Variants in SNW1 observed in about 807,000 individuals in gnomAD.
The protein encoded by SNW1 is SNW domain-containing protein 1.
A neutral mutation model predicts 75.6 loss-of-function variants in SNW1; 9 were observed. That is an observed-to-expected ratio of 0.12 (90% CI 0.07 to 0.21). The LOEUF is 0.21. Ranked by LOEUF, SNW1 falls within the 10% of genes least tolerant of loss-of-function variation. The pLI, the probability that SNW1 is intolerant of heterozygous loss-of-function variation, is 1.00. For synonymous variants in SNW1, 200 were observed against 219.1 expected (o/e 0.91, Z 0.77); for missense variants, 409 against 670.9 (o/e 0.61, Z 4.31).
Position 77,717,932 on chromosome 14 carries a change from T to G in SNW1, c.*156A>C. ...AAAACTAAATAATTCAAAGTAGAAT[T>G]TTCTATCCCCCCCATTTCTCCAGTA... On this transcript the variant is annotated 3_prime_UTR_variant, in exon 14 of 14. Transcript: ENST00000261531. 1.5e-6 allele frequency: 1 copy of G among 661,304 alleles called. No individual in the cohort carries two copies. 41.0% of individuals were successfully genotyped at this position (661,304 alleles called of 1,614,324 possible).
chr14:77,752,397 A>C (rs922407753), intron 2 of SNW1, among the ~76,000 whole-genome samples: 2 of 152,236 alleles, frequency 1.3e-5, no homozygotes, highest in African/African-American at 4.8e-5. Flanking sequence ...AAAAAGGTTT[A>C]TCAAATAAAC....
rs751737753 is a variant in SNW1 at position 77,735,986 on chromosome 14, C to T, written c.659G>A (p.Arg220Gln). 10 of 1,613,482 alleles carry T rather than the reference C, an allele frequency of 6.2e-6. No homozygotes were observed. Among genetic ancestry groups the T allele is most frequent in the Non-Finnish European group, 8.5e-7 (1 of 1,179,700 alleles). The change falls in exon 7 of 14, where the codon CGG (arginine) becomes CAG (glutamine). Residue 220 changes from arginine to glutamine, a missense_variant. Transcript: ENST00000261531. ...AGGCGCAGGAGGAGAAGGTGGTCCC[C>T]GGGGAATTTTCTTATTAATCCTGAA... ...PRFKINKKIP[R>Q]GPPSPPAPVM...
chr14:77,738,896 A>G lies in SNW1; in HGVS notation c.427-12T>C, dbSNP rs747240371. ...GTCTTTTCTGTTATCTGAAATAGGA[A>G]ATATCACATTGAGAGTTTGGAAGTT... On this transcript the variant is annotated splice_polypyrimidine_tract_variant and intron_variant, in intron 4 of 13. Transcript: ENST00000261531. 4 of 1,612,196 alleles carry G rather than the reference A, an allele frequency of 2.5e-6. No homozygotes were observed. In the South Asian group the frequency reaches 4.4e-5, roughly 18 times the overall value.
chr14:77,726,039 TGTAGTATATTTTGAAGC>T (rs2080582389), intron 10 of SNW1, among the ~76,000 whole-genome samples: 1 of 152,216 alleles, frequency 6.6e-6, no homozygotes, highest in Non-Finnish European at 1.5e-5. Flanking sequence ...ACTATAGCCT[TGTAGTATATTTTGAAGC>T]CAGGCAGTGT....
chr14:77,746,685 A>G (rs922299729), intron 3 of SNW1, among the ~76,000 whole-genome samples: 1 of 152,178 alleles, frequency 6.6e-6, no homozygotes, highest in Non-Finnish European at 1.5e-5. Context: ...ACGGAATCCT[A>G]TATAGATTAA....
chr14:77,749,755 C>G (rs1356867581), intron 3 of SNW1, among the ~76,000 whole-genome samples: 1 of 152,030 alleles, frequency 6.6e-6, no homozygotes, highest in Non-Finnish European at 1.5e-5. Context: ...AAAGAATAAA[C>G]AAACAAATGA....
At chr14:77,746,256 T>C (rs1391382259) in intron 3 of SNW1, among the ~76,000 whole-genome samples, 2 of 152,220 alleles carry the variant, frequency 1.3e-5, no homozygotes, top group Non-Finnish European at 2.9e-5. Context: ...TGTATATACA[T>C]GATGAGAAAG....
At chr14:77,757,952 A>G (rs1549117) in intron 1 of SNW1, among the ~76,000 whole-genome samples, 2 of 102,972 alleles carry the variant, frequency 1.9e-5, no homozygotes, top group Non-Finnish European at 4.2e-5. Flanking sequence ...CTATCTATCT[A>G]TCGCAATCAA....
chr14:77,759,039 G>C (rs971512181), intron 1 of SNW1, among the ~76,000 whole-genome samples: 2 of 152,236 alleles, frequency 1.3e-5, no homozygotes, highest in African/African-American at 4.8e-5. Context: ...CTCATCTTCA[G>C]GTTCAACTAA....
At chr14:77,721,079 A>G (rs894714528) in intron 11 of SNW1, 2 of 447,856 alleles carry the variant, frequency 4.5e-6, no homozygotes, top group Admixed American at 4.0e-5. Flanking sequence ...TTGACATGGA[A>G]TTCTTTAATA....
chr14:77,719,993 T>C (rs1204519854), intron 12 of SNW1, among the ~76,000 whole-genome samples: 1 of 152,240 alleles, frequency 6.6e-6, no homozygotes, highest in Non-Finnish European at 1.5e-5. Flanking sequence ...AGTTAGCTAA[T>C]GGCAATTGGT....
At chr14:77,738,038 C>G (rs1164184369) in intron 5 of SNW1, among the ~76,000 whole-genome samples, 1 of 148,750 alleles carries the variant, frequency 6.7e-6, no homozygotes, top group Non-Finnish European at 1.5e-5. Flanking sequence ...GGCACAGTGG[C>G]TCACGCCTAT....
At chr14:77,752,445 A>C (rs2080816145) in intron 2 of SNW1, among the ~76,000 whole-genome samples, 1 of 152,230 alleles carries the variant, frequency 6.6e-6, no homozygotes, top group Admixed American at 6.5e-5. Context: ...GTTAAAAAAA[A>C]TTCAGTAGTA....
chr14:77,735,630 A>G lies in SNW1; in HGVS notation c.708+307T>C, dbSNP rs73307555. On this transcript the variant is annotated intron_variant, in intron 7 of 13. Transcript: ENST00000261531. The stretch of plus-strand genomic sequence containing the variant: ...AAATTGTTCTTTTGATTAACAAAAC[A>G]TATCTTAAAAAGTCAAATTACCAGG... Among the ~76,000 whole-genome samples the G allele has an allele frequency of 4.3e-3, 649 of 152,076 alleles. 3 individuals are homozygous for G. The highest frequency in any genetic ancestry group is 0.014 in the African/African-American group (598 of 41,342).
chr14:77,737,443 C>A (rs1388179648), intron 5 of SNW1, among the ~76,000 whole-genome samples: 1 of 152,026 alleles, frequency 6.6e-6, no homozygotes, highest in Non-Finnish European at 1.5e-5. Context: ...TTACGGTTAG[C>A]AGTTTTTGAT....
At chr14:77,744,622 T>G (rs2080746556) in intron 3 of SNW1, among the ~76,000 whole-genome samples, 1 of 152,060 alleles carries the variant, frequency 6.6e-6, no homozygotes, top group South Asian at 2.1e-4. Flanking sequence ...ATACAGACAG[T>G]GATTTAAACA....
At chr14:77,755,934 T>G (rs1265714947) in intron 1 of SNW1, among the ~76,000 whole-genome samples, 1 of 151,856 alleles carries the variant, frequency 6.6e-6, no homozygotes, top group African/African-American at 2.4e-5. Flanking sequence ...AGACAGGGTT[T>G]CGCCATGTTG....
At chr14:77,750,321 A>G (rs1215670700) in intron 3 of SNW1, among the ~76,000 whole-genome samples, 1 of 152,248 alleles carries the variant, frequency 6.6e-6, no homozygotes, top group Admixed American at 6.5e-5. Context: ...GAAAATTGAC[A>G]ATTGTCTTCC....
intron 12 of SNW1, chr14:77,720,429 C>G: frequency 2.9e-6 from 2 of 689,320 alleles, no homozygotes; most frequent in Non-Finnish European, 5.3e-6. Flanking sequence ...GCCACCATGC[C>G]TGGCCTCCCT....
Sources: gnomAD v4.1 joint callset for allele counts (sites outside exome capture counted in the v4.1 genomes callset) on GRCh38, gnomAD v4.1.1 for gene constraint, MANE v1.5 for transcripts, NCBI Gene and HGNC (gene_info 2026-07-23, HGNC 2026-07-21) for gene names.